Variants in KIAA1671 observed in about 807,000 individuals in gnomAD.
KIAA1671 encodes the protein uncharacterized protein KIAA1671.
KIAA1671 carries 52 observed loss-of-function variants against 131.2 expected under a neutral mutation model. The ratio of observed to expected loss-of-function variants is 0.40; its 90% CI spans 0.32 to 0.50. The LOEUF (loss-of-function observed/expected upper bound fraction) is 0.50. KIAA1671 is among the 20% of genes least tolerant of loss of function. KIAA1671 has a pLI of 0.73. For synonymous variants in KIAA1671, 1,003 were observed against 961.6 expected (o/e 1.04, Z -0.80); for missense variants, 2,360 against 2,364.2 (o/e 1.00, Z 0.04).
intron 1 of KIAA1671, among the ~76,000 whole-genome samples, chr22:25,006,813 C>G (rs1462149828): frequency 6.6e-6 from 1 of 152,216 alleles, no homozygotes. Flanking sequence ...CTCTCTTTGA[C>G]TCTGACTTTC....
intron 4 of KIAA1671, among the ~76,000 whole-genome samples, chr22:25,038,294 G>A (rs1016863871): frequency 5.3e-5 from 8 of 152,270 alleles, no homozygotes; most frequent in African/African-American, 9.6e-5. Context: ...GAGCCACCGC[G>A]CCTGGCTGGA....
At chr22:25,176,973 C>CA (rs1934051641) in intron 8 of KIAA1671, 2 of 178,116 alleles carry the variant, frequency 1.1e-5, no homozygotes, top group Non-Finnish European at 2.3e-5. Context: ...ATTCATTCAA[C>CA]AAACAAACAT....
chr22:25,076,763 T>TA (rs1324841826), intron 6 of KIAA1671, among the ~76,000 whole-genome samples: 1 of 152,160 alleles, frequency 6.6e-6, no homozygotes, highest in African/African-American at 2.4e-5. Flanking sequence ...ATATAAGCAA[T>TA]AGTCATATGA....
intron 1 of KIAA1671, among the ~76,000 whole-genome samples, chr22:25,004,115 C>T (rs1414288332): frequency 2.0e-5 from 3 of 146,416 alleles, no homozygotes; most frequent in Non-Finnish European, 3.1e-5. Context: ...CTGTGCCCGG[C>T]CATTTTTTTT....
intron 1 of KIAA1671, among the ~76,000 whole-genome samples, chr22:24,993,427 C>T (rs147905085): frequency 3.9e-4 from 60 of 152,352 alleles, no homozygotes; most frequent in African/African-American, 1.4e-3. Flanking sequence ...ATGCCCCAAG[C>T]TCTTTTCTGA....
intron 6 of KIAA1671, among the ~76,000 whole-genome samples, chr22:25,133,463 A>G (rs1932536848): frequency 6.6e-6 from 1 of 152,238 alleles, no homozygotes; most frequent in African/African-American, 2.4e-5. Context: ...TTAGAAGTAG[A>G]TAGATTAGCT....
At chr22:25,002,470 C>A (rs1317442630) in intron 1 of KIAA1671, among the ~76,000 whole-genome samples, 4 of 152,164 alleles carry the variant, frequency 2.6e-5, no homozygotes, top group Non-Finnish European at 5.9e-5. Context: ...GTTGATACAT[C>A]AACTTCCTTT....
chr22:25,169,286 G>C (rs1300983944), intron 6 of KIAA1671, among the ~76,000 whole-genome samples: 1 of 152,130 alleles, frequency 6.6e-6, no homozygotes, highest in South Asian at 2.1e-4. Flanking sequence ...GGGTGTGGTA[G>C]TGTATACCTA....
chr22:25,145,348 G>A (rs1932861439), intron 6 of KIAA1671, among the ~76,000 whole-genome samples: 1 of 152,174 alleles, frequency 6.6e-6, no homozygotes, highest in Non-Finnish European at 1.5e-5. Context: ...AGGTCACCTG[G>A]GACTGTTTTC....
intron 6 of KIAA1671, among the ~76,000 whole-genome samples, chr22:25,156,250 C>T (rs1175979471): frequency 2.0e-5 from 3 of 151,886 alleles, no homozygotes; most frequent in Non-Finnish European, 2.9e-5. Context: ...TAGTCTTGAT[C>T]TCCTGACCTC....
chr22:24,986,171 G>A (rs1425538950), intron 1 of KIAA1671, among the ~76,000 whole-genome samples: 1 of 152,180 alleles, frequency 6.6e-6, no homozygotes, highest in Non-Finnish European at 1.5e-5. Context: ...AGAGGTGCCT[G>A]CCCAAGGGAT....
At chr22:24,967,377 C>T (rs1236930562) in intron 1 of KIAA1671, among the ~76,000 whole-genome samples, 1 of 152,194 alleles carries the variant, frequency 6.6e-6, no homozygotes, top group Non-Finnish European at 1.5e-5. Flanking sequence ...GCTGCAGAGC[C>T]TGTATTTGAA....
Position 24,991,132 on chromosome 22 carries a change from G to T in KIAA1671, c.-207-34501G>T, listed in dbSNP as rs138555262. Among the ~76,000 whole-genome samples the T allele has an allele frequency of 8.2e-3, 1,255 of 152,250 alleles. 19 individuals are homozygous for T. The highest frequency in any genetic ancestry group is 0.028 in the African/African-American group (1,181 of 41,552). ...CCTTCCGGGTTCAAGCGATTATCCTGCCTCAGCCTCCTGAGTAGCTGGGAC... is the reference window on the plus strand; with the variant it reads ...CCTTCCGGGTTCAAGCGATTATCCTTCCTCAGCCTCCTGAGTAGCTGGGAC... On this transcript the variant is annotated intron_variant, in intron 1 of 12. Coordinates refer to ENST00000358431, the MANE Select transcript of KIAA1671 (RefSeq NM_001145206.2).
chr22:24,997,590 G>C (rs1924206632), intron 1 of KIAA1671, among the ~76,000 whole-genome samples: 1 of 152,152 alleles, frequency 6.6e-6, no homozygotes, highest in Non-Finnish European at 1.5e-5. Context: ...TGGGGCTGGT[G>C]CCCTGGGTGA....
At chr22:25,110,342 C>T (rs573702360) in intron 6 of KIAA1671, among the ~76,000 whole-genome samples, 6 of 152,222 alleles carry the variant, frequency 3.9e-5, no homozygotes, top group African/African-American at 9.6e-5. Flanking sequence ...GCATTCTGAG[C>T]GACCTGGGTT....
intron 6 of KIAA1671, among the ~76,000 whole-genome samples, chr22:25,083,379 A>G (rs564040545): frequency 8.2e-4 from 125 of 152,318 alleles, no homozygotes; most frequent in African/African-American, 2.9e-3. Context: ...CTATTTTCAA[A>G]TAATAGTCAC....
intron 6 of KIAA1671, among the ~76,000 whole-genome samples, chr22:25,164,308 A>G (rs1933562880): frequency 6.6e-6 from 1 of 152,198 alleles, no homozygotes; most frequent in Non-Finnish European, 1.5e-5. Flanking sequence ...CAGGAGAACT[A>G]AGAGCCCCAT....
chr22:24,960,546 CAA>C (rs56207857), intron 1 of KIAA1671, among the ~76,000 whole-genome samples: 61 of 79,988 alleles, frequency 7.6e-4, no homozygotes, highest in African/African-American at 1.4e-3. Context: ...GACTCCGTCT[CAA>C]AAAAAAAAAA....
rs1333150781 is a variant in KIAA1671 at position 25,028,062 on chromosome 22, G to A, written c.63G>A (p.Glu21=). ...TGACGGCCGTGCCAGGCCTGGGTGAGATGGGCAAGGAGGAGACCCTGACGA... is the reference window on the plus strand; with the variant it reads ...TGACGGCCGTGCCAGGCCTGGGTGAAATGGGCAAGGAGGAGACCCTGACGA... ...TPLTAVPGLG[E]MGKEETLTRT... is the part of the protein sequence containing the mutation. Residue 21 remains glutamate, a synonymous_variant, in exon 3 of 13, where the codon GAG becomes GAA. Transcript: ENST00000358431. 6.5e-7 allele frequency: 1 copy of A among 1,547,342 alleles called. No individual in the cohort carries two copies. Among genetic ancestry groups the A allele is most frequent in the Non-Finnish European group, 8.7e-7 (1 of 1,144,608 alleles).
Sources: allele counts gnomAD v4.1 joint callset (sites outside exome capture counted in the v4.1 genomes callset), GRCh38; gene constraint gnomAD v4.1.1; transcripts MANE v1.5; gene names NCBI Gene and HGNC (gene_info 2026-07-23, HGNC 2026-07-21).